Variants in HSPA12B observed in about 807,000 individuals in gnomAD.
HSPA12B encodes the protein heat shock protein family A (Hsp70) member 12B, also known as heat shock 70 kDa protein 12B.
A neutral mutation model predicts 69.3 loss-of-function variants in HSPA12B; 54 were observed. That is an observed-to-expected ratio of 0.78 (90% CI 0.63 to 0.98). The LOEUF is 0.98. Ranked by LOEUF, HSPA12B falls within the 50% of genes least tolerant of loss-of-function variation. HSPA12B has a pLI of 0.00. For synonymous variants in HSPA12B, 441 were observed against 436.5 expected (o/e 1.01, Z -0.13); for missense variants, 929 against 999.8 (o/e 0.93, Z 0.96).
In HSPA12B at chr20:3,745,680, C is replaced by G; in HGVS notation, c.558+83C>G. ...CCGAAACCGCTCCCCCATCCCGTCC[C>G]CGACATTGGATGGGTAGCCACCGCC... On this transcript the variant is annotated intron_variant, in intron 6 of 12. Transcript: ENST00000254963. This position sits in a 1 kb window ranked among gnomAD's most constrained non-coding sequence, Gnocchi z 5.6. 7.9e-7 allele frequency: 1 copy of G among 1,273,234 alleles called. No individual in the cohort carries two copies. The highest frequency in any genetic ancestry group is 1.1e-6 in the Non-Finnish European group (1 of 883,822). The allele number at this position is 1,273,234 out of a possible 1,614,324, so 78.9% of individuals were successfully genotyped here. A position where few individuals can be genotyped will look rare whatever the true frequency, so the allele number is the denominator to read the frequency against.
intron 2 of HSPA12B, among the ~76,000 whole-genome samples, chr20:3,739,102 T>C (rs572621888): frequency 2.0e-5 from 3 of 152,246 alleles, no homozygotes; most frequent in African/African-American, 7.2e-5. Context: ...CCTGTGTGAG[T>C]GTGTCAGTGA....
At chr20:3,734,857 A>C (rs776378231) in intron 1 of HSPA12B, among the ~76,000 whole-genome samples, 4 of 149,832 alleles carry the variant, frequency 2.7e-5, no homozygotes, top group Non-Finnish European at 5.9e-5. Flanking sequence ...CTCCCACCTC[A>C]GCGTCCAAAG....
Position 3,749,967 on chromosome 20 carries a change from A to C in HSPA12B, c.1043-2A>C. The C allele has an allele frequency of 1.3e-6, 2 of 1,562,814 alleles. No individual in the cohort carries two copies. The highest frequency in any genetic ancestry group is 1.7e-6 in the Non-Finnish European group (2 of 1,152,890). ...CCCTCTTCGCCCCCTGCTCCACCCCAGGGGGCCCTTATGGCGCGGTGGGCG... is the reference window on the plus strand; with the variant it reads ...CCCTCTTCGCCCCCTGCTCCACCCCCGGGGGCCCTTATGGCGCGGTGGGCG... On this transcript the variant is annotated splice_acceptor_variant, in intron 10 of 12. Transcript: ENST00000254963. LOFTEE classifies it high-confidence loss of function. The surrounding 1 kb of genome is among the most constrained non-coding windows in gnomAD (Gnocchi z 5.5).
Position 3,752,070 on chromosome 20 carries a change from C to T in HSPA12B, c.1965C>T (p.Ala655=). 2 of 1,538,414 alleles carry T rather than the reference C, an allele frequency of 1.3e-6. No homozygotes were observed. Among genetic ancestry groups the T allele is most frequent in the Non-Finnish European group, 1.7e-6 (2 of 1,150,338 alleles). The change falls in exon 13 of 13, where the codon GCC becomes GCT. Residue 655 remains alanine (A), a synonymous_variant. Transcript: ENST00000254963. ...GAPPGRREIR[A]AMQFGDTEIK... is the part of the protein sequence containing the mutation. ...CTCCCGGCCGCCGCGAGATCCGCGC[C>T]GCCATGCAGTTTGGCGACACCGAAA...
At chr20:3,743,341 C>T (rs1009291508) in intron 4 of HSPA12B, among the ~76,000 whole-genome samples, 6 of 139,394 alleles carry the variant, frequency 4.3e-5, no homozygotes, top group African/African-American at 1.7e-4. Context: ...CACCACCACA[C>T]CTGGCTAATT....
In HSPA12B at chr20:3,745,155, G is replaced by A; in HGVS notation, c.453+67G>A. 7.3e-7 allele frequency: 1 copy of A among 1,370,830 alleles called. No homozygotes were observed. Among genetic ancestry groups the A allele is most frequent in the Non-Finnish European group, 1.0e-6 (1 of 985,492 alleles). The allele number at this position is 1,370,830 out of a possible 1,614,324, so 84.9% of individuals were successfully genotyped here. On this transcript the variant is annotated intron_variant, in intron 5 of 12. Coordinates refer to ENST00000254963, the MANE Select transcript of HSPA12B (RefSeq NM_052970.5). The surrounding 1 kb of genome is among the most constrained non-coding windows in gnomAD (Gnocchi z 5.6). Reference sequence around the variant, plus strand: ...GAAAAGGGCAGGGCTAATGGGGGTGGGTGGGACAAAACCAAAACGTGTGAG... The same window carrying A: ...GAAAAGGGCAGGGCTAATGGGGGTGAGTGGGACAAAACCAAAACGTGTGAG...
At chr20:3,751,319 G>C in intron 12 of HSPA12B, 192 bp from the exon 13 acceptor site, 3 of 985,474 alleles carry the variant, frequency 3.0e-6, no homozygotes, top group Non-Finnish European at 3.6e-6. Flanking sequence ...GAGTGTTGGG[G>C]AGGCGAAGCC....
Position 3,751,915 on chromosome 20 carries a change from G to A in HSPA12B, c.1810G>A (p.Val604Ile), listed in dbSNP as rs1384404990. Reference sequence around the variant, plus strand: ...CCCGGCGCGTCCCGGCCAGCGGCGCGTACTCATCAACCTGTACTGCTGCGC... The same window carrying A: ...CCCGGCGCGTCCCGGCCAGCGGCGCATACTCATCAACCTGTACTGCTGCGC... ...YCPARPGQRR[V>I]LINLYCCAAE... Residue 604 changes from valine to isoleucine, a missense_variant, in exon 13 of 13, where the codon GTA (valine) becomes ATA (isoleucine). Around this residue, in one of 3 missense-constraint regions of HSPA12B, gnomAD observed 448 missense variants for 448.1 expected, o/e 1.00. Coordinates refer to ENST00000254963, the MANE Select transcript of HSPA12B (RefSeq NM_052970.5). The A allele has an allele frequency of 1.9e-6, 3 of 1,583,524 alleles. No individual in the cohort carries two copies. The highest frequency in any genetic ancestry group is 1.4e-5 in the African/African-American group (1 of 73,162).
At chr20:3,750,539 T>G in intron 11 of HSPA12B, 2 of 415,938 alleles carry the variant, frequency 4.8e-6, no homozygotes, top group Non-Finnish European at 6.5e-6. Context: ...TGCTCCTCGG[T>G]TTCCCTGCAC....
In HSPA12B at chr20:3,750,028, T is replaced by C. The variant is rs745863915; in HGVS notation, c.1102T>C (p.Phe368Leu). 9.4e-6 allele frequency: 15 copies of C among 1,600,744 alleles called. No individual in the cohort carries two copies. The highest frequency in any genetic ancestry group is 1.3e-5 in the Non-Finnish European group (15 of 1,174,496). Residue 368 changes from phenylalanine to leucine, a missense_variant, in exon 11 of 13, where the codon TTC (phenylalanine) becomes CTC (leucine). Coordinates refer to ENST00000254963, the MANE Select transcript of HSPA12B (RefSeq NM_052970.5). Reference sequence around the variant, plus strand: ...CTTCGAGCAGCTGCTGTGCCGCATCTTCGGCGAGGACTTCATCGCCACCTT... The same window carrying C: ...CTTCGAGCAGCTGCTGTGCCGCATCCTCGGCGAGGACTTCATCGCCACCTT... ...LAFEQLLCRI[F>L]GEDFIATFKR...
At position 3,737,784 on chromosome 20, in the gene HSPA12B, C is replaced by T. The variant is rs1426229379; in HGVS notation, c.-17-874C>T. On this transcript the variant is annotated intron_variant, in intron 1 of 12. Coordinates refer to ENST00000254963, the MANE Select transcript of HSPA12B (RefSeq NM_052970.5). This position sits in a 1 kb window ranked among gnomAD's most constrained non-coding sequence, Gnocchi z 4.1. The stretch of plus-strand genomic sequence containing the variant: ...TTGAGAGGCCGAGGTGGGCGGATCA[C>T]CTGAGGTCAGGAGTTCGAGAACAGC... Among the ~76,000 whole-genome samples the T allele has an allele frequency of 6.6e-6, 1 of 152,190 alleles. No individual in the cohort carries two copies. Among genetic ancestry groups the T allele is most frequent in the Non-Finnish European group, 1.5e-5 (1 of 68,036 alleles).
In HSPA12B at chr20:3,742,760, C is replaced by T. The variant is rs138786156; in HGVS notation, c.266+352C>T. Among the ~76,000 whole-genome samples the T allele has an allele frequency of 8.9e-3, 1,345 of 150,946 alleles. 20 individuals carry two copies. Among genetic ancestry groups the T allele is most frequent in the African/African-American group, 0.031 (1,268 of 40,992 alleles). ...TCGCCTAGGCTGGAGTGCAAAGGCA[C>T]GATCTTAGCTCATTGCAACCTCCAC... On this transcript the variant is annotated intron_variant, in intron 4 of 12. Coordinates refer to ENST00000254963, the MANE Select transcript of HSPA12B (RefSeq NM_052970.5).
At position 3,740,265 on chromosome 20, in the gene HSPA12B, A is replaced by T. The variant is rs555073587; in HGVS notation, c.44-550A>T. On this transcript the variant is annotated intron_variant, in intron 2 of 12. Coordinates refer to ENST00000254963, the MANE Select transcript of HSPA12B (RefSeq NM_052970.5). The surrounding 1 kb of genome is among the most constrained non-coding windows in gnomAD (Gnocchi z 4.9). Reference sequence around the variant, plus strand: ...TGCTCCCCCTCCTCGATCCTCCTCAAGCAGCCAGCTGGGCCTGTCTGTGGC... The same window carrying T: ...TGCTCCCCCTCCTCGATCCTCCTCATGCAGCCAGCTGGGCCTGTCTGTGGC... Among the ~76,000 whole-genome samples, 1 of 152,222 alleles carries T rather than the reference A, an allele frequency of 6.6e-6. No individual in the cohort carries two copies. The highest frequency in any genetic ancestry group is 2.4e-5 in the African/African-American group (1 of 41,528).
chr20:3,751,366 A>C (rs1304563851), intron 12 of HSPA12B, 145 bp from the exon 13 acceptor site: 7 of 1,347,068 alleles, frequency 5.2e-6, no homozygotes, highest in Non-Finnish European at 6.6e-6. Flanking sequence ...GAAAGTGCTC[A>C]AATGGCTACT....
chr20:3,744,801 C>A lies in HSPA12B; in HGVS notation c.267-101C>A. 1 of 1,118,564 alleles carries A rather than the reference C, an allele frequency of 8.9e-7. No homozygotes were observed. The highest frequency in any genetic ancestry group is 1.3e-6 in the Non-Finnish European group (1 of 770,406). The allele number at this position is 1,118,564 out of a possible 1,614,324, so 69.3% of individuals were successfully genotyped here. A position where few individuals can be genotyped will look rare whatever the true frequency, so the allele number is the denominator to read the frequency against. On this transcript the variant is annotated intron_variant, in intron 4 of 12. Coordinates refer to ENST00000254963, the MANE Select transcript of HSPA12B (RefSeq NM_052970.5). The surrounding 1 kb of genome is among the most constrained non-coding windows in gnomAD (Gnocchi z 4.9). ...TGGAGCCGACCCATAGCTAGTTCTCCCTGCTCTTTCACATCTGTAAGTTTT... is the reference window on the plus strand; with the variant it reads ...TGGAGCCGACCCATAGCTAGTTCTCACTGCTCTTTCACATCTGTAAGTTTT...
chr20:3,751,904 G>A lies in HSPA12B; in HGVS notation c.1799G>A (p.Gly600Asp), dbSNP rs1461461510. 6 of 1,574,048 alleles carry A rather than the reference G, an allele frequency of 3.8e-6. No homozygotes were observed. Among genetic ancestry groups the A allele is most frequent in the African/African-American group, 1.4e-5 (1 of 72,398 alleles). The change falls in exon 13 of 13, where the codon GGC becomes GAC. Residue 600 changes from glycine (G) to aspartate (D), a missense_variant. Gly to Asp is a moderately conservative substitution (Grantham distance 94). This residue lies in a region of HSPA12B where 448 missense variants were observed against 448.1 expected (regional missense o/e 1.00). Coordinates refer to ENST00000254963, the MANE Select transcript of HSPA12B (RefSeq NM_052970.5). ...VRRSYCPARPGQRRVLINLYC... is the reference protein window; with the variant it reads ...VRRSYCPARPDQRRVLINLYC... ...CGCAGCTACTGCCCGGCGCGTCCCG[G>A]CCAGCGGCGCGTACTCATCAACCTG...
intron 1 of HSPA12B, among the ~76,000 whole-genome samples, chr20:3,736,304 CCTT>C (rs1431429560): frequency 1.3e-5 from 2 of 152,230 alleles, no homozygotes; most frequent in Non-Finnish European, 2.9e-5. Flanking sequence ...CAGCACCCAT[CCTT>C]CTTCTGATTC....
chr20:3,735,810 A>G (rs509764), intron 1 of HSPA12B, among the ~76,000 whole-genome samples: 87,339 of 151,828 alleles, frequency 0.58, 25,660 homozygotes, highest in Non-Finnish European at 0.64. Context: ...TCTCCTCCAG[A>G]TACAATAGCC....
Position 3,751,097 on chromosome 20 carries a change from A to G in HSPA12B, c.1405+190A>G, listed in dbSNP as rs77223545. ...TAGAGGGTTGATATGTAGTCTTGCC[A>G]AGGCAAAAAACTTCTGGTGCCTCAG... is the stretch of plus-strand genomic sequence containing the variant. On this transcript the variant is annotated intron_variant, in intron 12 of 12. Transcript: ENST00000254963. 715 of 504,136 alleles carry G rather than the reference A, an allele frequency of 1.4e-3. 11 individuals are homozygous for G. Among genetic ancestry groups the G allele is most frequent in the African/African-American group, 0.014 (678 of 47,868 alleles). 31.2% of individuals were successfully genotyped at this position (504,136 alleles called of 1,614,324 possible).
Sources: allele counts gnomAD v4.1 joint callset (sites outside exome capture counted in the v4.1 genomes callset), GRCh38; gene constraint gnomAD v4.1.1; regional missense constraint gnomAD v4.1.1; non-coding constraint Gnocchi (gnomAD v3.1); transcripts MANE v1.5; gene names NCBI Gene and HGNC (gene_info 2026-07-23, HGNC 2026-07-21).